Variants in KIF17 observed in about 807,000 individuals in gnomAD.
KIF17 encodes the protein kinesin family member 17, also known as kinesin-like protein KIF17.
KIF17 carries 80 observed loss-of-function variants against 96.8 expected under a neutral mutation model. That is an observed-to-expected ratio of 0.83 (90% CI 0.69 to 1.00). KIF17 has a LOEUF of 1.00. Ranked by LOEUF, KIF17 falls within the 50% of genes least tolerant of loss-of-function variation. The probability of loss-of-function intolerance (pLI) is 0.00; values close to 1 mark genes in which losing one functional copy is unlikely to be tolerated. For missense variants in KIF17, 1,280 were observed against 1,372.9 expected (o/e 0.93, Z 1.07); for synonymous variants, 567 against 587.5 (o/e 0.97, Z 0.51).
At chr1:20,679,647 G>A (rs1160616828) in intron 11 of KIF17, among the ~76,000 whole-genome samples, 2 of 152,254 alleles carry the variant, frequency 1.3e-5, no homozygotes, top group Admixed American at 1.3e-4. Flanking sequence ...AGGGATCCAG[G>A]AGCCCAGGAA....
In KIF17 at chr1:20,664,158, GC is replaced by G. The variant is rs2053483246; in HGVS notation, c.*425del. On this transcript the variant is annotated 3_prime_UTR_variant, in exon 15 of 15. Coordinates refer to ENST00000400463, the MANE Select transcript of KIF17 (RefSeq NM_001122819.3). ...GGCAGGGCAGTGCTTAGGAAGTGGG[GC>G]CAGTCAGACAGAGGCACAGTTCCTT... The G allele has an allele frequency of 1.2e-5, 4 of 325,036 alleles. No homozygotes were observed. Among genetic ancestry groups the G allele is most frequent in the South Asian group, 9.7e-5 (3 of 30,950 alleles). The allele number at this position is 325,036 out of a possible 1,614,324, so 20.1% of individuals were successfully genotyped here. A position where few individuals can be genotyped will look rare whatever the true frequency, so the allele number is the denominator to read the frequency against.
chr1:20,673,651 T>A (rs2053687317), intron 11 of KIF17, among the ~76,000 whole-genome samples: 1 of 150,756 alleles, frequency 6.6e-6, no homozygotes, highest in African/African-American at 2.4e-5. Context: ...ATGCCTCAAC[T>A]CCCAAGAAGC....
intron 10 of KIF17, among the ~76,000 whole-genome samples, chr1:20,683,669 GA>G (rs1291651343): frequency 6.6e-6 from 1 of 151,840 alleles, no homozygotes; most frequent in Non-Finnish European, 1.5e-5. Context: ...AAAAAAGAAA[GA>G]AAAAAACATC....
rs561588855 is a variant in KIF17 at position 20,700,012 on chromosome 1, G to A, written c.1124-1524C>T. On this transcript the variant is annotated intron_variant, in intron 5 of 14. Transcript: ENST00000400463. The surrounding 1 kb of genome is among the most constrained non-coding windows in gnomAD (Gnocchi z 4.6). ...TAGGCACGAGGAGACCCGTTGCGGG[G>A]GCGTGCAGAAACTCAGTCTGGAGGG... Among the ~76,000 whole-genome samples the A allele has an allele frequency of 3.3e-5, 5 of 152,194 alleles. No homozygotes were observed. Among genetic ancestry groups the A allele is most frequent in the African/African-American group, 1.2e-4 (5 of 41,450 alleles).
chr1:20,689,202 G>A (rs2053992729), intron 7 of KIF17, among the ~76,000 whole-genome samples: 1 of 152,136 alleles, frequency 6.6e-6, no homozygotes, highest in Non-Finnish European at 1.5e-5. Flanking sequence ...GTGGTAATGT[G>A]CCAACAAGCG....
At chr1:20,706,593 C>A (rs1020647232) in intron 4 of KIF17, among the ~76,000 whole-genome samples, 3 of 60,460 alleles carry the variant, frequency 5.0e-5, no homozygotes, top group African/African-American at 1.0e-4. Context: ...TCTGTCTCAA[C>A]AACAACAACA....
rs2054202273 is a variant in KIF17, at chr1:20,699,803, AG to A, written c.1124-1316del. On this transcript the variant is annotated intron_variant, in intron 5 of 14. Transcript: ENST00000400463. This position sits in a 1 kb window ranked among gnomAD's most constrained non-coding sequence, Gnocchi z 4.3. ...GGCTGGAGGGGAGGGAGTGATGGGC[AG>A]GACAGGTGGAGAAGTCCAAGAGGGA... is the stretch of plus-strand genomic sequence containing the variant. Among the ~76,000 whole-genome samples the A allele has an allele frequency of 6.6e-6, 1 of 152,150 alleles. No homozygotes were observed. The highest frequency in any genetic ancestry group is 2.4e-5 in the African/African-American group (1 of 41,434).
intron 7 of KIF17, among the ~76,000 whole-genome samples, chr1:20,689,878 C>G (rs1402665265): frequency 6.6e-6 from 1 of 152,152 alleles, no homozygotes; most frequent in African/African-American, 2.4e-5. Context: ...GGGCCCAGTC[C>G]ATGGCTAAGC....
intron 3 of KIF17, among the ~76,000 whole-genome samples, chr1:20,711,504 T>C (rs1049610639): frequency 3.3e-5 from 5 of 152,098 alleles, no homozygotes; most frequent in Non-Finnish European, 7.4e-5. Flanking sequence ...CCAGCTGGGA[T>C]GCGGCAAGGA....
rs145153675 is a variant in KIF17 at position 20,682,690 on chromosome 1, C to G, written c.2426G>C (p.Arg809Pro). 1 of 1,614,026 alleles carries G rather than the reference C, an allele frequency of 6.2e-7. No homozygotes were observed. The highest frequency in any genetic ancestry group is 1.7e-5 in the Admixed American group (1 of 60,008). ...CTTCTCCAGCAGCTTGCTCTTGGCC[C>G]GCACTTCCTCCTGGATGGAGTCGTA... The part of the protein sequence containing the change: ...NVYDSIQEEV[R>P]AKSKLLEKMQ... The change falls in exon 11 of 15, where the codon CGG becomes CCG. Residue 809 changes from arginine to proline, a missense_variant. Coordinates refer to ENST00000400463, the MANE Select transcript of KIF17 (RefSeq NM_001122819.3).
At chr1:20,717,455 C>T (rs773311682) in intron 1 of KIF17, 21 bp downstream of exon 1, 2 of 1,608,698 alleles carry the variant, frequency 1.2e-6, no homozygotes, top group Non-Finnish European at 8.5e-7. Flanking sequence ...GCCTGCAGGG[C>T]GGCCTGCCGG....
At chr1:20,715,665 G>C (rs547336844) in intron 1 of KIF17, 26 bp from the exon 2 acceptor site, 1 of 1,613,472 alleles carries the variant, frequency 6.2e-7, no homozygotes, top group South Asian at 1.1e-5. Flanking sequence ...GCAGGACCCC[G>C]TGCTCAGTGG....
chr1:20,685,285 C>A lies in KIF17; in HGVS notation c.2020-265G>T. The A allele has an allele frequency of 1.5e-6, 1 of 659,250 alleles. No individual in the cohort carries two copies. Among genetic ancestry groups the A allele is most frequent in the Non-Finnish European group, 2.8e-6 (1 of 356,950 alleles). The allele number at this position is 659,250 out of a possible 1,614,324, so 40.8% of individuals were successfully genotyped here. A position where few individuals can be genotyped will look rare whatever the true frequency, so the allele number is the denominator to read the frequency against. On this transcript the variant is annotated intron_variant, in intron 9 of 14. Transcript: ENST00000400463. This position sits in a 1 kb window ranked among gnomAD's most constrained non-coding sequence, Gnocchi z 4.1. ...ATCCAGTCTCCACAGGCAGCCAGGG[C>A]CATCTTAAAATAGAAACCGATCACA...
chr1:20,706,008 A>C (rs1218108989), intron 4 of KIF17, among the ~76,000 whole-genome samples: 1 of 146,418 alleles, frequency 6.8e-6, no homozygotes, highest in Non-Finnish European at 1.5e-5. Context: ...TCCCAGGCTC[A>C]AGCAATCCTC....
rs776292922 is a variant in KIF17 at position 20,704,895 on chromosome 1, C to T, written c.675G>A (p.Glu225=). ...CCGCCCGGAGGTGGTCCTTGCCCCG[C>T]TCATCTGCACACAGACCAGGCAAAG... ...TISIEMSAVD[E]RGKDHLRAGK... is the part of the protein sequence containing the mutation. Residue 225 remains glutamate, a synonymous_variant, in exon 5 of 15, where the codon GAG becomes GAA. Transcript: ENST00000400463. The surrounding 1 kb of genome is among the most constrained non-coding windows in gnomAD (Gnocchi z 6.8). 38 of 1,599,904 alleles carry T rather than the reference C, an allele frequency of 2.4e-5. No individual in the cohort carries two copies. Among genetic ancestry groups the T allele is most frequent in the Non-Finnish European group, 3.1e-5 (37 of 1,179,816 alleles).
At chr1:20,702,750 C>T (rs960452546) in intron 5 of KIF17, among the ~76,000 whole-genome samples, 3 of 152,234 alleles carry the variant, frequency 2.0e-5, no homozygotes, top group Non-Finnish European at 2.9e-5. Context: ...CTCCGGGAAG[C>T]TTTCCCTCAC....
In KIF17 at chr1:20,699,367, G is replaced by C. The variant is rs2054193956; in HGVS notation, c.1124-879C>G. On this transcript the variant is annotated intron_variant, in intron 5 of 14. Coordinates refer to ENST00000400463, the MANE Select transcript of KIF17 (RefSeq NM_001122819.3). The surrounding 1 kb of genome is among the most constrained non-coding windows in gnomAD (Gnocchi z 4.3). Reference sequence around the variant, plus strand: ...AGGTCAGGAGTTCAAGAAAAGCCCAGCCAACAGCCAACATAGTAAAACCCC... The same window carrying C: ...AGGTCAGGAGTTCAAGAAAAGCCCACCCAACAGCCAACATAGTAAAACCCC... 6.6e-6 allele frequency among the ~76,000 whole-genome samples: 1 copy of C among 152,004 alleles called. No individual in the cohort carries two copies. Among genetic ancestry groups the C allele is most frequent in the East Asian group, 1.9e-4 (1 of 5,184 alleles).
chr1:20,692,870 T>C (rs896331804), intron 6 of KIF17: 8 of 151,670 alleles, frequency 5.3e-5, no homozygotes, highest in African/African-American at 1.9e-4. Context: ...ACCTCCCAGG[T>C]TGCAGCAATT....
Position 20,690,336 on chromosome 1 carries a change from CT to C in KIF17, c.1234-2del. The C allele has an allele frequency of 2.9e-6, 1 of 349,046 alleles. No homozygotes were observed. Among genetic ancestry groups the C allele is most frequent in the Admixed American group, 3.5e-5 (1 of 28,338 alleles). 21.6% of individuals were successfully genotyped at this position (349,046 alleles called of 1,614,324 possible). ...GCCGGGCCAGGCGCTCTTCATACTC[CT>C]GGGGGGGTGGGAGGGACCAGAGGGC... On this transcript the variant is annotated splice_acceptor_variant, in intron 6 of 14. Transcript: ENST00000400463. LOFTEE classifies it high-confidence loss of function.
Sources: allele counts gnomAD v4.1 joint callset (sites outside exome capture counted in the v4.1 genomes callset), GRCh38; gene constraint gnomAD v4.1.1; non-coding constraint Gnocchi (gnomAD v3.1); transcripts MANE v1.5; gene names NCBI Gene and HGNC (gene_info 2026-07-23, HGNC 2026-07-21).